MICAL3: variants seen among roughly 807,000 people sequenced by gnomAD.
The protein encoded by MICAL3 is [F-actin]-monooxygenase MICAL3.
In MICAL3, 62 loss-of-function variants were observed where a neutral mutation model predicts 207.4. The observed-to-expected ratio is 0.30, with a 90% confidence interval of 0.24 to 0.37. The LOEUF is 0.37. Ranked by LOEUF, MICAL3 falls within the 10% of genes least tolerant of loss-of-function variation. The pLI is 1.00. For synonymous variants in MICAL3, 1,077 were observed against 1,069.3 expected, an observed-to-expected ratio of 1.01 and a Z score of -0.14; for missense variants, 2,368 against 2,635.6, an observed-to-expected ratio of 0.90 and a Z score of 2.22.
intron 20 of MICAL3, among the ~76,000 whole-genome samples, chr22:17,833,816 GCTCAGGTGAGCAATA>G (rs1923066198): frequency 6.6e-6 from 1 of 152,102 alleles, no homozygotes. Flanking sequence ...TCTTAGTATT[GCTCAGGTGAGCAATA>G]CTCCTGGCGT....
intron 1 of MICAL3, among the ~76,000 whole-genome samples, chr22:17,937,507 T>C (rs1239560660): frequency 6.6e-6 from 1 of 151,808 alleles, no homozygotes; most frequent in Non-Finnish European, 1.5e-5. Flanking sequence ...CTACTAAAAA[T>C]ACAAAATTAG....
At chr22:17,883,635 G>A (rs1200488027) in intron 16 of MICAL3, among the ~76,000 whole-genome samples, 1 of 152,154 alleles carries the variant, frequency 6.6e-6, no homozygotes, top group Non-Finnish European at 1.5e-5. Flanking sequence ...CCTCTGCTGG[G>A]TTTTCTCTTA....
chr22:17,929,700 T>C (rs1415079821), intron 1 of MICAL3, among the ~76,000 whole-genome samples: 1 of 151,510 alleles, frequency 6.6e-6, no homozygotes, highest in Non-Finnish European at 1.5e-5. Context: ...CTTGAGTAGC[T>C]GGGACTACAG....
chr22:17,881,754 C>T (rs561900683), intron 16 of MICAL3, among the ~76,000 whole-genome samples: 19 of 152,304 alleles, frequency 1.2e-4, no homozygotes, highest in African/African-American at 4.3e-4. Flanking sequence ...CTGCCCTCCT[C>T]TCAGTCCCTG....
intron 1 of MICAL3, among the ~76,000 whole-genome samples, chr22:17,940,773 G>T (rs550977858): frequency 6.6e-6 from 1 of 152,236 alleles, no homozygotes; most frequent in East Asian, 1.9e-4. Context: ...ACCTTTTCCA[G>T]ATCTGTGGAC....
In MICAL3 at chr22:17,801,148, CTTTTTTTTTTTTTT is replaced by C. The variant is rs978301664; in HGVS notation, c.5650+7682_5650+7695del. On this transcript the variant is annotated intron_variant, in intron 29 of 31. Transcript: ENST00000441493. Reference sequence around the variant, plus strand: ...ACAAGGCATCCTGAGTTTCCTTTTTCTTTTTTTTTTTTTTTTTTTTTTGAGACGGAGTCTCGCTC... The same window carrying C: ...ACAAGGCATCCTGAGTTTCCTTTTTCTTTTTTTTGAGACGGAGTCTCGCTC... Among the ~76,000 whole-genome samples the C allele has an allele frequency of 6.5e-5, 6 of 91,926 alleles. 1 individual carries two copies. Among genetic ancestry groups the C allele is most frequent in the Non-Finnish European group, 9.9e-5 (5 of 50,614 alleles). 60.3% of individuals were successfully genotyped at this position (91,926 alleles called of 152,430 possible).
chr22:17,812,511 G>A (rs910137276), intron 27 of MICAL3: 27 of 985,690 alleles, frequency 2.7e-5, no homozygotes, highest in Non-Finnish European at 3.1e-5. Context: ...CACTACCTTT[G>A]ATGCACATGA....
intron 1 of MICAL3, among the ~76,000 whole-genome samples, chr22:17,998,082 A>G (rs1393968568): frequency 6.6e-6 from 1 of 152,186 alleles, no homozygotes; most frequent in Non-Finnish European, 1.5e-5. Flanking sequence ...AGGGTGAATC[A>G]CCTGAGGTCA....
intron 11 of MICAL3, among the ~76,000 whole-genome samples, chr22:17,893,104 C>A (rs1930516070): frequency 6.6e-6 from 1 of 152,196 alleles, no homozygotes; most frequent in African/African-American, 2.4e-5. Flanking sequence ...AATTCACCAG[C>A]AGCAAAGCTT....
intron 1 of MICAL3, among the ~76,000 whole-genome samples, chr22:17,941,045 T>C (rs923150919): frequency 1.3e-5 from 2 of 152,194 alleles, no homozygotes; most frequent in African/African-American, 2.4e-5. Flanking sequence ...TGCTCAGTTA[T>C]GCCTAGGCCA....
chr22:17,909,082 G>A (rs1931950188), intron 1 of MICAL3, among the ~76,000 whole-genome samples: 1 of 152,146 alleles, frequency 6.6e-6, no homozygotes, highest in Non-Finnish European at 1.5e-5. Flanking sequence ...ACAAGGAACT[G>A]CCCTCTCCAC....
intron 1 of MICAL3, among the ~76,000 whole-genome samples, chr22:17,967,540 C>G (rs1013381404): frequency 4.6e-5 from 7 of 151,862 alleles, no homozygotes; most frequent in African/African-American, 1.7e-4. Context: ...CCACTGACAA[C>G]AGCTCAGAAG....
At chr22:17,981,074 G>T in intron 1 of MICAL3, 1 of 323,962 alleles carries the variant, frequency 3.1e-6, no homozygotes, top group Non-Finnish European at 6.8e-6. Flanking sequence ...CCAAAAACAT[G>T]TGCATGTATT....
Position 17,790,935 on chromosome 22 carries a change from A to G in MICAL3, c.5825-19T>C. 6.2e-7 allele frequency: 1 copy of G among 1,613,434 alleles called. No individual in the cohort carries two copies. Among genetic ancestry groups the G allele is most frequent in the Admixed American group, 1.7e-5 (1 of 60,012 alleles). On this transcript the variant is annotated intron_variant, in intron 31 of 31. Coordinates refer to ENST00000441493, the MANE Select transcript of MICAL3 (RefSeq NM_015241.3). ...AGGTGATCTTGAAGGAGAAGAAGGC[A>G]TGAGGTGAGGGGCCTGGAGGTGGCA...
Position 17,900,759 on chromosome 22 carries a change from C to A in MICAL3, c.847+83G>T. ...AGTGCAGGAGGGACACCGACGGCCA[C>A]TCACCCCACCAATCCCCCAAGAAAA... On this transcript the variant is annotated intron_variant, in intron 6 of 31. Transcript: ENST00000441493. This position sits in a 1 kb window ranked among gnomAD's most constrained non-coding sequence, Gnocchi z 4.0. 1 of 1,296,382 alleles carries A rather than the reference C, an allele frequency of 7.7e-7. No homozygotes were observed. The highest frequency in any genetic ancestry group is 1.1e-6 in the Non-Finnish European group (1 of 908,294). The allele number at this position is 1,296,382 out of a possible 1,614,324, so 80.3% of individuals were successfully genotyped here. A position where few individuals can be genotyped will look rare whatever the true frequency, so the allele number is the denominator to read the frequency against.
rs553289523 is a variant in MICAL3 at position 17,793,119 on chromosome 22, G to A, written c.5651-1818C>T. Among the ~76,000 whole-genome samples, 32 of 152,238 alleles carry A rather than the reference G, an allele frequency of 2.1e-4. No individual in the cohort carries two copies. Among genetic ancestry groups the A allele is most frequent in the Non-Finnish European group, 3.8e-4 (26 of 68,034 alleles). On this transcript the variant is annotated intron_variant, in intron 29 of 31. Transcript: ENST00000441493. The surrounding 1 kb of genome is among the most constrained non-coding windows in gnomAD (Gnocchi z 4.1). Reference sequence around the variant, plus strand: ...CGCCCACGGCCGCCAGGCAGGGGCTGTGGTGTGTGAGCGAGAGTCGGGTGA... The same window carrying A: ...CGCCCACGGCCGCCAGGCAGGGGCTATGGTGTGTGAGCGAGAGTCGGGTGA...
At chr22:17,969,108 T>C (rs957481429) in intron 1 of MICAL3, among the ~76,000 whole-genome samples, 1 of 152,120 alleles carries the variant, frequency 6.6e-6, no homozygotes, top group Non-Finnish European at 1.5e-5. Context: ...AGTAGCAGGA[T>C]CTCAGCTCAC....
chr22:17,898,907 T>C (rs780262163), intron 7 of MICAL3, among the ~76,000 whole-genome samples: 5 of 152,194 alleles, frequency 3.3e-5, no homozygotes, highest in Non-Finnish European at 5.9e-5. Context: ...CCTGGACCTC[T>C]GAAAACTGTA....
intron 19 of MICAL3, among the ~76,000 whole-genome samples, chr22:17,852,414 A>G (rs1050975084): frequency 6.6e-6 from 1 of 152,182 alleles, no homozygotes; most frequent in Non-Finnish European, 1.5e-5. Context: ...AGGGCCACTG[A>G]GGCTGGCCTG....
Sources: allele counts gnomAD v4.1 joint callset (sites outside exome capture counted in the v4.1 genomes callset), GRCh38; gene constraint gnomAD v4.1.1; non-coding constraint Gnocchi (gnomAD v3.1); transcripts MANE v1.5; gene names NCBI Gene and HGNC (gene_info 2026-07-23, HGNC 2026-07-21).